PSEN1: variants seen among roughly 807,000 people sequenced by gnomAD.
PSEN1 encodes presenilin 1.
A neutral mutation model predicts 53.5 loss-of-function variants in PSEN1; 15 were observed. That is an observed-to-expected ratio of 0.28 (90% confidence interval 0.19 to 0.43). The LOEUF is 0.43. Among genes scored for constraint, PSEN1 ranks in the 20% least tolerant of loss-of-function variants. The pLI, the probability that PSEN1 is intolerant of heterozygous loss-of-function variation, is 1.00. For synonymous variants in PSEN1, 208 were observed against 209.8 expected (o/e 0.99, Z 0.08); for missense variants, 387 against 571.2 (o/e 0.68, Z 3.29).
rs558471553 is a variant in PSEN1, at chr14:73,138,307, C to T, written c.-136+1724C>T. On this transcript the variant is annotated intron_variant, in intron 1 of 11. Coordinates refer to ENST00000324501, the MANE Select transcript of PSEN1 (RefSeq NM_000021.4). ...GATCTCAGCTCACTGCAAGCTCCGC[C>T]TCCCGGGTTCACGCCATTCTCCTGC... is the stretch of plus-strand genomic sequence containing the variant. Among the ~76,000 whole-genome samples the T allele has an allele frequency of 6.3e-3, 955 of 151,778 alleles. 6 individuals are homozygous for T. Among genetic ancestry groups the T allele is most frequent in the Non-Finnish European group, 9.7e-3 (657 of 67,948 alleles).
chr14:73,210,127 G>C (rs1263931479), intron 9 of PSEN1, among the ~76,000 whole-genome samples: 1 of 152,088 alleles, frequency 6.6e-6, no homozygotes, highest in African/African-American at 2.4e-5. Flanking sequence ...TCTGTGTAAG[G>C]AAAAAACAAA....
chr14:73,216,162 A>G (rs917660638), intron 10 of PSEN1, among the ~76,000 whole-genome samples: 3 of 152,208 alleles, frequency 2.0e-5, no homozygotes, highest in African/African-American at 7.2e-5. Context: ...AACCTCAAAA[A>G]CATTATATTA....
intron 1 of PSEN1, among the ~76,000 whole-genome samples, chr14:73,138,363 C>A (rs1266369472): frequency 6.6e-6 from 1 of 151,566 alleles, no homozygotes; most frequent in African/African-American, 2.4e-5. Context: ...GGACTACAGG[C>A]GTCCGCCACC....
intron 3 of PSEN1, among the ~76,000 whole-genome samples, chr14:73,149,955 C>G (rs1046160268): frequency 3.3e-5 from 5 of 152,186 alleles, no homozygotes; most frequent in Admixed American, 6.5e-5. Context: ...AAATAGTTTT[C>G]CTTTTGTGGG....
intron 8 of PSEN1, among the ~76,000 whole-genome samples, chr14:73,203,649 G>A (rs1320238997): frequency 6.6e-6 from 1 of 152,166 alleles, no homozygotes; most frequent in Non-Finnish European, 1.5e-5. Context: ...GACAGGAAAT[G>A]TATGAGCATT....
chr14:73,212,025 G>A, intron 10 of PSEN1, 83 bp downstream of exon 10: 1 of 1,099,928 alleles, frequency 9.1e-7, no homozygotes, highest in Non-Finnish European at 1.3e-6. Context: ...AAAATGAATT[G>A]AGAGTGTTAC....
intron 8 of PSEN1, among the ~76,000 whole-genome samples, chr14:73,203,712 G>A (rs959298041): frequency 6.6e-6 from 1 of 152,094 alleles, no homozygotes; most frequent in Non-Finnish European, 1.5e-5. Flanking sequence ...TACTCTTTGA[G>A]CTAATTTATT....
intron 5 of PSEN1, among the ~76,000 whole-genome samples, chr14:73,181,774 TG>T (rs1898221678): frequency 2.0e-5 from 3 of 152,256 alleles, no homozygotes. Context: ...GGTTTTATTT[TG>T]TTTCGTATTT....
chr14:73,145,295 G>T (rs995235830), intron 1 of PSEN1, among the ~76,000 whole-genome samples: 1 of 152,124 alleles, frequency 6.6e-6, no homozygotes, highest in East Asian at 1.9e-4. Flanking sequence ...TTATATGAGA[G>T]TTCTATGGGT....
chr14:73,214,660 A>T (rs1424646722), intron 10 of PSEN1, among the ~76,000 whole-genome samples: 3 of 152,258 alleles, frequency 2.0e-5, no homozygotes, highest in Non-Finnish European at 1.5e-5. Context: ...TTACAACATG[A>T]ATAAATCTTG....
intron 8 of PSEN1, among the ~76,000 whole-genome samples, chr14:73,198,442 T>A (rs1375649513): frequency 6.6e-6 from 1 of 152,206 alleles, no homozygotes; most frequent in Non-Finnish European, 1.5e-5. Context: ...CTGGTTTAGA[T>A]GTCTTTCTGC....
intron 3 of PSEN1, among the ~76,000 whole-genome samples, chr14:73,167,058 C>A (rs1438684724): frequency 6.6e-6 from 1 of 151,812 alleles, no homozygotes; most frequent in Non-Finnish European, 1.5e-5. Context: ...TTTTGAAATT[C>A]TTTTCATTGT....
intron 3 of PSEN1, among the ~76,000 whole-genome samples, chr14:73,161,759 C>G (rs988667961): frequency 1.3e-5 from 2 of 152,102 alleles, no homozygotes; most frequent in African/African-American, 4.8e-5. Flanking sequence ...CTGGCCCCTT[C>G]AGAGGCCAAG....
chr14:73,158,308 C>G (rs184767450), intron 3 of PSEN1, among the ~76,000 whole-genome samples: 1 of 149,904 alleles, frequency 6.7e-6, no homozygotes, highest in Non-Finnish European at 1.5e-5. Flanking sequence ...ATCTATCTAT[C>G]TATCTATCTA....
At chr14:73,211,190 T>C (rs1463623624) in intron 9 of PSEN1, among the ~76,000 whole-genome samples, 1 of 152,042 alleles carries the variant, frequency 6.6e-6, no homozygotes, top group African/African-American at 2.4e-5. Flanking sequence ...ATTTGTAGGG[T>C]TGGTTAATTT....
At position 73,220,687 on chromosome 14, in the gene PSEN1, G is replaced by A. The variant is rs144725513; in HGVS notation, c.*1398G>A. 2.6e-5 allele frequency: 4 copies of A among 152,328 alleles called. No homozygotes were observed. The highest frequency in any genetic ancestry group is 1.9e-4 in the East Asian group (1 of 5,182). The allele number at this position is 152,328 out of a possible 1,614,324, so 9.4% of individuals were successfully genotyped here. A position where few individuals can be genotyped will look rare whatever the true frequency, so the allele number is the denominator to read the frequency against. On this transcript the variant is annotated 3_prime_UTR_variant, in exon 12 of 12. Transcript: ENST00000324501. Reference sequence around the variant, plus strand: ...TTATTCTCGTCAGCTCCACAAATGGGTGCTTTGTGGTCTCTGCCCGCGTTA... The same window carrying A: ...TTATTCTCGTCAGCTCCACAAATGGATGCTTTGTGGTCTCTGCCCGCGTTA...
In PSEN1 at chr14:73,194,973, G is replaced by A. The variant is rs541149866; in HGVS notation, c.769+2109G>A. On this transcript the variant is annotated intron_variant, in intron 7 of 11. Transcript: ENST00000324501. ...TTGACGAAGAAGTCTGTGGAAATAG[G>A]ATTGAACTGGTTCTGTTCTTGTATT... 3.3e-5 allele frequency among the ~76,000 whole-genome samples: 5 copies of A among 152,308 alleles called. No homozygotes were observed. In the South Asian group the frequency reaches 1.0e-3, roughly 32 times the overall value.
chr14:73,219,582 G>C lies in PSEN1; in HGVS notation c.*293G>C, dbSNP rs186531618. 28 of 417,486 alleles carry C rather than the reference G, an allele frequency of 6.7e-5. No homozygotes were observed. Among genetic ancestry groups the C allele is most frequent in the African/African-American group, 5.0e-4 (25 of 49,610 alleles). 25.9% of individuals were successfully genotyped at this position (417,486 alleles called of 1,614,324 possible). The stretch of plus-strand genomic sequence containing the variant: ...AGATATGATAGGCCCGGAAGTTGCT[G>C]TGCCCCATCAGCAGCTTGACGCGTG... On this transcript the variant is annotated 3_prime_UTR_variant, in exon 12 of 12. Transcript: ENST00000324501.
In PSEN1 at chr14:73,136,624, G is replaced by A. The variant is rs1416667904; in HGVS notation, c.-136+41G>A. ...TCCGGGCAAGCCAGGAAGGCACCGC[G>A]GACATGGGCGGCCGCGGGCAGGGCC... On this transcript the variant is annotated intron_variant, in intron 1 of 11. Transcript: ENST00000324501. The A allele has an allele frequency of 4.6e-5, 7 of 152,676 alleles. No homozygotes were observed. The East Asian group carries it at 9.7e-4, about 21-fold the overall frequency. 9.5% of individuals were successfully genotyped at this position (152,676 alleles called of 1,614,324 possible).
Sources: allele counts gnomAD v4.1 joint callset (sites outside exome capture counted in the v4.1 genomes callset), GRCh38; gene constraint gnomAD v4.1.1; transcripts MANE v1.5; gene names NCBI Gene and HGNC (gene_info 2026-07-23, HGNC 2026-07-21).